The following NMNAT3 variants were observed in gnomAD, a reference collection of about 807,000 sequenced individuals.
The protein encoded by NMNAT3 is nicotinamide/nicotinic acid mononucleotide adenylyltransferase 3.
Under a neutral mutation model 24.8 loss-of-function variants are expected in NMNAT3, and 21 were observed. The ratio of observed to expected loss-of-function variants is 0.85; its 90% CI spans 0.60 to 1.22. The LOEUF (loss-of-function observed/expected upper bound fraction) is 1.22, where lower values mean the gene tolerates loss of function less well. Among genes scored for constraint, NMNAT3 ranks in the 50% most tolerant of loss-of-function variants. The probability of loss-of-function intolerance (pLI) is 0.00; values close to 1 mark genes in which losing one functional copy is unlikely to be tolerated. For synonymous variants in NMNAT3, 136 were observed against 155.2 expected (o/e 0.88, Z 0.92); for missense variants, 387 against 436.6 (o/e 0.89, Z 1.01).
intron 1 of NMNAT3, among the ~76,000 whole-genome samples, chr3:139,675,680 G>A (rs963956974): frequency 1.2e-4 from 19 of 152,110 alleles, no homozygotes; most frequent in African/African-American, 3.4e-4. Flanking sequence ...TCCCTCTCCC[G>A]CCTCTGCCCT....
At chr3:139,593,345 C>A (rs1035010293) in intron 3 of NMNAT3, among the ~76,000 whole-genome samples, 9 of 152,100 alleles carry the variant, frequency 5.9e-5, no homozygotes, top group African/African-American at 1.9e-4. Flanking sequence ...GACTTAGACT[C>A]CCACACAATA....
rs931361937 is a variant in NMNAT3 at position 139,561,150 on chromosome 3, G to A, written c.901C>T (p.Arg301Ter). 11 of 1,614,144 alleles carry A rather than the reference G, an allele frequency of 6.8e-6. No homozygotes were observed. The highest frequency in any genetic ancestry group is 2.7e-5 in the African/African-American group (2 of 75,042). ...ACGCTCTGCCCTTGGCCCAAGGCTCGCCTGATGTATGTGGCACTGATCTCA... is the reference window on the plus strand; with the variant it reads ...ACGCTCTGCCCTTGGCCCAAGGCTCACCTGATGTATGTGGCACTGATCTCA... Residue 301 changes from arginine to a stop codon, truncating the protein, a stop_gained, in exon 7 of 7, where the codon CGA becomes TGA. Coordinates refer to ENST00000643695, the MANE Select transcript of NMNAT3 (RefSeq NM_001320510.2). LOFTEE classifies it low-confidence loss of function (END_TRUNC).
rs562581734 is a variant in NMNAT3, at chr3:139,668,357, A to G, written c.-141+9348T>C. Reference sequence around the variant, plus strand: ...AAAATCAAAATCTCAATGCATTTCCATTAATACAAATGACTTCAAACAAAC... The same window carrying G: ...AAAATCAAAATCTCAATGCATTTCCGTTAATACAAATGACTTCAAACAAAC... On this transcript the variant is annotated intron_variant, in intron 1 of 6. Transcript: ENST00000643695. 1.5e-3 allele frequency among the ~76,000 whole-genome samples: 228 copies of G among 152,366 alleles called. 1 individual carries two copies. Among genetic ancestry groups the G allele is most frequent in the African/African-American group, 5.1e-3 (212 of 41,586 alleles).
intron 2 of NMNAT3, chr3:139,635,013 A>G (rs1484923264): frequency 1.3e-5 from 2 of 152,204 alleles, no homozygotes; most frequent in Admixed American, 6.5e-5. Context: ...AGTGGAGATA[A>G]TTATATCTAC....
chr3:139,565,523 C>T (rs985395218), intron 6 of NMNAT3: 2 of 152,062 alleles, frequency 1.3e-5, no homozygotes, highest in African/African-American at 4.8e-5. Context: ...TTCCCCCACC[C>T]CACAACAGTC....
chr3:139,633,051 A>G (rs1053967601), intron 2 of NMNAT3, among the ~76,000 whole-genome samples: 3 of 152,172 alleles, frequency 2.0e-5, no homozygotes, highest in African/African-American at 7.2e-5. Context: ...CAAGCAATGC[A>G]AACGGCCCCT....
At chr3:139,561,502 A>G (rs1936381323) in intron 6 of NMNAT3, 110 bp from the exon 7 acceptor site, 2 of 1,011,698 alleles carry the variant, frequency 2.0e-6, no homozygotes, top group Non-Finnish European at 1.4e-6. Context: ...TCGAGAACTC[A>G]GTGTCTCCAT....
intron 4 of NMNAT3, among the ~76,000 whole-genome samples, chr3:139,582,036 T>C (rs1188228211): frequency 6.8e-6 from 1 of 148,072 alleles, no homozygotes; most frequent in Non-Finnish European, 1.5e-5. Flanking sequence ...TCTATGAAAA[T>C]ACAAAAAAAT....
At chr3:139,623,673 T>C (rs2055906428) in intron 3 of NMNAT3, among the ~76,000 whole-genome samples, 1 of 152,148 alleles carries the variant, frequency 6.6e-6, no homozygotes, top group African/African-American at 2.4e-5. Context: ...AACCTCTGCC[T>C]CCCAGGTTCA....
intron 1 of NMNAT3, among the ~76,000 whole-genome samples, chr3:139,640,113 G>A (rs764271692): frequency 1.3e-5 from 2 of 152,206 alleles, no homozygotes; most frequent in Non-Finnish European, 2.9e-5. Context: ...CAGCAGGACA[G>A]GTTTTCTGAA....
chr3:139,644,304 A>T (rs933566095), intron 1 of NMNAT3, among the ~76,000 whole-genome samples: 2 of 152,236 alleles, frequency 1.3e-5, no homozygotes, highest in Non-Finnish European at 2.9e-5. Flanking sequence ...TAAGACTGGC[A>T]TGCATCTGAC....
At chr3:139,596,187 G>A (rs552040586) in intron 3 of NMNAT3, among the ~76,000 whole-genome samples, 3 of 152,222 alleles carry the variant, frequency 2.0e-5, no homozygotes, top group African/African-American at 7.2e-5. Flanking sequence ...GCTGCTGGGT[G>A]GCCCTGTCAG....
chr3:139,669,476 CAG>C lies in NMNAT3; in HGVS notation c.-141+8227_-141+8228del, dbSNP rs1393376485. ...TGGGCAACAGAGTGAGACCCTGTCT[CAG>C]AAAAAAAAAAAAAAAAAAAAAAAAG... On this transcript the variant is annotated intron_variant, in intron 1 of 6. Coordinates refer to ENST00000643695, the MANE Select transcript of NMNAT3 (RefSeq NM_001320510.2). Among the ~76,000 whole-genome samples the C allele has an allele frequency of 3.8e-3, 131 of 34,484 alleles. 5 individuals carry two copies. The highest frequency in any genetic ancestry group is 5.2e-3 in the Admixed American group (16 of 3,082). The allele number at this position is 34,484 out of a possible 152,430, so 22.6% of individuals were successfully genotyped here.
intron 3 of NMNAT3, among the ~76,000 whole-genome samples, chr3:139,625,253 T>C (rs2056000849): frequency 6.6e-6 from 1 of 152,238 alleles, no homozygotes; most frequent in South Asian, 2.1e-4. Flanking sequence ...TTCTTATTTA[T>C]AGTTGGGTCT....
chr3:139,676,419 A>G (rs147448472), intron 1 of NMNAT3, among the ~76,000 whole-genome samples: 69 of 152,334 alleles, frequency 4.5e-4, no homozygotes, highest in African/African-American at 1.5e-3. Flanking sequence ...TCTTCTGTCC[A>G]GTTTTAAGAG....
At chr3:139,594,884 T>C (rs376497919) in intron 3 of NMNAT3, among the ~76,000 whole-genome samples, 12 of 152,274 alleles carry the variant, frequency 7.9e-5, no homozygotes, top group South Asian at 6.2e-4. Context: ...TGGAAGCATT[T>C]CCTTTGAAAA....
intron 3 of NMNAT3, among the ~76,000 whole-genome samples, chr3:139,621,016 C>A (rs2055746833): frequency 6.6e-6 from 1 of 152,056 alleles, no homozygotes; most frequent in South Asian, 2.1e-4. Context: ...AGGTTGGGCT[C>A]AAGCCATCCT....
Position 139,627,654 on chromosome 3 carries a change from CG to C in NMNAT3, c.70del (p.Arg24AlafsTer34). 1 of 1,595,102 alleles carries C rather than the reference CG, an allele frequency of 6.3e-7. No homozygotes were observed. The highest frequency in any genetic ancestry group is 2.2e-5 in the East Asian group (1 of 44,742). On this transcript the variant is annotated frameshift_variant, in exon 3 of 7. Coordinates refer to ENST00000643695, the MANE Select transcript of NMNAT3 (RefSeq NM_001320510.2). LOFTEE classifies it high-confidence loss of function. ...GTGATCTCTGGCCACCTCAAACATG[CG>C]CAGGTGCATGTTGGTGATGGGGTTA... is the stretch of plus-strand genomic sequence containing the variant.
chr3:139,633,391 G>T (rs1208730139), intron 2 of NMNAT3, among the ~76,000 whole-genome samples: 1 of 152,182 alleles, frequency 6.6e-6, no homozygotes, highest in East Asian at 1.9e-4. Context: ...TGTTGGTCAG[G>T]CTGGTCTCAA....
Sources: allele counts gnomAD v4.1 joint callset (sites outside exome capture counted in the v4.1 genomes callset), GRCh38; gene constraint gnomAD v4.1.1; transcripts MANE v1.5; gene names NCBI Gene and HGNC (gene_info 2026-07-23, HGNC 2026-07-21).